ITGA3: variants seen among roughly 807,000 people sequenced by gnomAD.
ITGA3 encodes integrin alpha-3.
ITGA3 carries 70 observed loss-of-function variants against 131.1 expected under a neutral mutation model. The observed-to-expected ratio is 0.53, with a 90% CI of 0.44 to 0.65. The LOEUF (loss-of-function observed/expected upper bound fraction) is 0.65. ITGA3 is among the 30% of genes least tolerant of loss of function. The pLI, the probability that ITGA3 is intolerant of heterozygous loss-of-function variation, is 0.00. For missense variants in ITGA3, 1,098 were observed against 1,388.6 expected, an observed-to-expected ratio of 0.79 and a Z score of 3.33; for synonymous variants, 537 against 571.6, an observed-to-expected ratio of 0.94 and a Z score of 0.86.
At chr17:50,059,750 C>T (rs1387985267) in intron 1 of ITGA3, among the ~76,000 whole-genome samples, 1 of 152,076 alleles carries the variant, frequency 6.6e-6, no homozygotes, top group African/African-American at 2.4e-5. Flanking sequence ...ATCCCCTTTG[C>T]AGTAAGAGGA....
chr17:50,064,623 G>T lies in ITGA3; in HGVS notation c.414+16G>T, dbSNP rs767043727. ...CAGAGTTCTGGTAAGTGGGTGCTCA[G>T]TGTTGGCTCCTCCACCTCTACCCGG... is the stretch of plus-strand genomic sequence containing the variant. On this transcript the variant is annotated intron_variant, in intron 3 of 25. Coordinates refer to ENST00000320031, the MANE Select transcript of ITGA3 (RefSeq NM_002204.4). This position sits in a 1 kb window ranked among gnomAD's most constrained non-coding sequence, Gnocchi z 4.4. 2 of 1,606,162 alleles carry T rather than the reference G, an allele frequency of 1.2e-6. No individual in the cohort carries two copies. The highest frequency in any genetic ancestry group is 2.7e-5 in the African/African-American group (2 of 74,936).
rs374957307 is a variant in ITGA3 at position 50,064,105 on chromosome 17, G to A, written c.235G>A (p.Ala79Thr). 57 of 1,612,374 alleles carry A rather than the reference G, an allele frequency of 3.5e-5. No homozygotes were observed. Among genetic ancestry groups the A allele is most frequent in the South Asian group, 2.0e-4 (18 of 90,660 alleles). Residue 79 changes from alanine (A) to threonine (T), a missense_variant, in exon 2 of 26, where the codon GCT becomes ACT. Around this residue, in one of 3 missense-constraint regions of ITGA3, gnomAD observed 356 missense variants for 529.2 expected, o/e 0.67. Coordinates refer to ENST00000320031, the MANE Select transcript of ITGA3 (RefSeq NM_002204.4). The surrounding 1 kb of genome is among the most constrained non-coding windows in gnomAD (Gnocchi z 4.4). The stretch of plus-strand genomic sequence containing the variant: ...CCTGGCTGGTGCCCCCCGGGAGCTC[G>A]CTGTGCCCGATGGCTACACCAACCG... ...LLLAGAPREL[A>T]VPDGYTNRTG... is the part of the protein sequence containing the mutation.
chr17:50,076,384 T>TA lies in ITGA3; in HGVS notation c.1733_1734insA (p.Arg579AlafsTer30). On this transcript the variant is annotated frameshift_variant, in exon 13 of 26. Coordinates refer to ENST00000320031, the MANE Select transcript of ITGA3 (RefSeq NM_002204.4). LOFTEE classifies it high-confidence loss of function. ...ATCTCCATGAACTACTCTTTACCTT[T>TA]GCGGATGCCCGATCGCCCCCGGCTG... 1 of 1,613,454 alleles carries TA rather than the reference T, an allele frequency of 6.2e-7. No individual in the cohort carries two copies. Among genetic ancestry groups the TA allele is most frequent in the Non-Finnish European group, 8.5e-7 (1 of 1,179,994 alleles).
intron 4 of ITGA3, among the ~76,000 whole-genome samples, chr17:50,068,992 T>G (rs1008633367): frequency 6.6e-6 from 1 of 151,756 alleles, no homozygotes; most frequent in Admixed American, 6.6e-5. Flanking sequence ...GGACTACAGG[T>G]GCCCGCCACC....
intron 4 of ITGA3, among the ~76,000 whole-genome samples, chr17:50,070,631 A>G (rs1908575453): frequency 8.0e-6 from 1 of 125,428 alleles, no homozygotes; most frequent in Admixed American, 9.3e-5. Flanking sequence ...GGGCAACAAG[A>G]GCAAGACTGT....
intron 23 of ITGA3, 42 bp from the exon 24 acceptor site, chr17:50,087,702 A>G (rs1567706885): frequency 6.3e-7 from 1 of 1,589,224 alleles, no homozygotes. Flanking sequence ...GATGGGCCTA[A>G]GCAGGCTGAC....
In ITGA3 at chr17:50,088,342, A is replaced by G; in HGVS notation, c.*7A>G. The G allele has an allele frequency of 6.4e-7, 1 of 1,560,150 alleles. No individual in the cohort carries two copies. ...GCTGACCGACGACTACTGAGGGGGC[A>G]GCCCCCCGCCCCCGGCCCACCTGGG... On this transcript the variant is annotated 3_prime_UTR_variant, in exon 25 of 26. Transcript: ENST00000320031.
intron 1 of ITGA3, among the ~76,000 whole-genome samples, chr17:50,058,873 C>T (rs532703236): frequency 2.0e-5 from 3 of 152,168 alleles, no homozygotes; most frequent in African/African-American, 4.8e-5. Flanking sequence ...TGGGATGGTT[C>T]GTGGTCTTGG....
rs1387027305 is a variant in ITGA3, at chr17:50,081,424, C to T, written c.2919+16C>T. ...GACCACGTGGGTGAGTGCGCATGTT[C>T]ACTAGGACAGCAGTCTCCAGCCAGA... On this transcript the variant is annotated intron_variant, in intron 23 of 25. Coordinates refer to ENST00000320031, the MANE Select transcript of ITGA3 (RefSeq NM_002204.4). The T allele has an allele frequency of 6.5e-7, 1 of 1,538,810 alleles. No individual in the cohort carries two copies. Among genetic ancestry groups the T allele is most frequent in the Non-Finnish European group, 8.8e-7 (1 of 1,130,140 alleles).
intron 4 of ITGA3, among the ~76,000 whole-genome samples, chr17:50,070,046 C>T (rs1261051166): frequency 6.6e-6 from 1 of 152,190 alleles, no homozygotes; most frequent in Non-Finnish European, 1.5e-5. Context: ...CTGGTCCTGC[C>T]TCCCACCCCC....
At position 50,071,790 on chromosome 17, in the gene ITGA3, A is replaced by T. The variant is rs906557631; in HGVS notation, c.960-196A>T. 6 of 619,502 alleles carry T rather than the reference A, an allele frequency of 9.7e-6. No homozygotes were observed. In the African/African-American group the frequency reaches 1.1e-4, roughly 11 times the overall value. The allele number at this position is 619,502 out of a possible 1,614,324, so 38.4% of individuals were successfully genotyped here. A position where few individuals can be genotyped will look rare whatever the true frequency, so the allele number is the denominator to read the frequency against. ...TGTGCCTGCATGGCGTCTCCATGAC[A>T]TATGTCTTCTATTTGGTGGGTCATA... On this transcript the variant is annotated intron_variant, in intron 6 of 25. Transcript: ENST00000320031.
rs146671278 is a variant in ITGA3 at position 50,079,085 on chromosome 17, A to G, written c.2410A>G (p.Met804Val). The G allele has an allele frequency of 6.4e-5, 103 of 1,613,438 alleles. No homozygotes were observed. The African/African-American group carries it at 1.1e-3, about 17-fold the overall frequency. Residue 804 changes from methionine to valine, a missense_variant, in exon 20 of 26, where the codon ATG becomes GTG. By Grantham distance (21) the Met-to-Val change is conservative. Transcript: ENST00000320031. ...PLKYEFQVGPMGEGLVGLGTL... is the reference protein window; with the variant it reads ...PLKYEFQVGPVGEGLVGLGTL... Reference sequence around the variant, plus strand: ...CATCTTGTGCCCACAGGTGGGCCCAATGGGGGAGGGGCTGGTGGGCCTGGG... The same window carrying G: ...CATCTTGTGCCCACAGGTGGGCCCAGTGGGGGAGGGGCTGGTGGGCCTGGG...
intron 7 of ITGA3, among the ~76,000 whole-genome samples, chr17:50,073,601 C>T (rs1377206025): frequency 7.7e-6 from 1 of 129,346 alleles, no homozygotes; most frequent in Non-Finnish European, 1.6e-5. Context: ...TAAACACACA[C>T]ACACACACAC....
rs896576191 is a variant in ITGA3 at position 50,074,131 on chromosome 17, C to T, written c.1246-13C>T. 5.0e-6 allele frequency: 8 copies of T among 1,611,828 alleles called. No homozygotes were observed. The African/African-American group carries it at 1.1e-4, about 22-fold the overall frequency. Reference sequence around the variant, plus strand: ...CCCCAGAGCCTGCCCCCACCACTTTCCCCTGCCCCCAGGTAATCCATGGAG... The same window carrying T: ...CCCCAGAGCCTGCCCCCACCACTTTTCCCTGCCCCCAGGTAATCCATGGAG... On this transcript the variant is annotated splice_polypyrimidine_tract_variant and intron_variant, in intron 8 of 25. Transcript: ENST00000320031.
Position 50,087,835 on chromosome 17 carries a change from T to C in ITGA3, c.3011T>C (p.Leu1004Pro), listed in dbSNP as rs1371495681. 8 of 1,608,344 alleles carry C rather than the reference T, an allele frequency of 5.0e-6. No homozygotes were observed. In the East Asian group the frequency reaches 1.8e-4, roughly 36 times the overall value. Residue 1004 changes from leucine (L) to proline (P), a missense_variant, in exon 24 of 26, where the codon CTG (leucine) becomes CCG (proline). By Grantham distance (98) the Leu-to-Pro change is moderately conservative. This residue lies in a region of ITGA3 where 699 missense variants were observed against 829.2 expected (regional missense o/e 0.84). Transcript: ENST00000320031. ...LVLVAVGAGL[L>P]LLGLIILLLW... ...CTGGTGGCCGTGGGTGCAGGGCTGC[T>C]GCTGCTGGGGCTGATCATCCTCCTG...
chr17:50,071,113 C>G (rs1457902488), intron 5 of ITGA3, among the ~76,000 whole-genome samples, 183 bp downstream of exon 5: 4 of 152,248 alleles, frequency 2.6e-5, no homozygotes, highest in Non-Finnish European at 5.9e-5. Context: ...TTCTTGACTT[C>G]AGGATGCTCA....
At chr17:50,060,432 G>A (rs115314986) in intron 1 of ITGA3, among the ~76,000 whole-genome samples, 2,659 of 152,298 alleles carry the variant, frequency 0.017, 68 homozygotes, top group African/African-American at 0.061. Flanking sequence ...GTACTGTGCC[G>A]CGCCCTTCTT....
At chr17:50,076,812 G>A (rs1452798491) in intron 14 of ITGA3, 131 bp downstream of exon 14, 1 of 1,167,852 alleles carries the variant, frequency 8.6e-7, no homozygotes, top group African/African-American at 1.5e-5. Context: ...AGGTGGGATG[G>A]TCAGAAACGG....
chr17:50,090,452 C>T lies in ITGA3; in HGVS notation c.*1374C>T, dbSNP rs905432570. 8.0e-6 allele frequency: 2 copies of T among 250,526 alleles called. No homozygotes were observed. The highest frequency in any genetic ancestry group is 1.1e-4 in the East Asian group (1 of 9,472). 15.5% of individuals were successfully genotyped at this position (250,526 alleles called of 1,614,324 possible). A position where few individuals can be genotyped will look rare whatever the true frequency, so the allele number is the denominator to read the frequency against. On this transcript the variant is annotated 3_prime_UTR_variant, in exon 26 of 26. Transcript: ENST00000320031. The stretch of plus-strand genomic sequence containing the variant: ...GCCTTCTTTGTATATAGGCTTCTCA[C>T]GGCGACCAATAAACAGCTCCCAGTT...
Sources: allele counts gnomAD v4.1 joint callset (sites outside exome capture counted in the v4.1 genomes callset), GRCh38; gene constraint gnomAD v4.1.1; regional missense constraint gnomAD v4.1.1; non-coding constraint Gnocchi (gnomAD v3.1); transcripts MANE v1.5; gene names NCBI Gene and HGNC (gene_info 2026-07-23, HGNC 2026-07-21).